Variants in PITPNC1 observed in about 807,000 individuals in gnomAD.
PITPNC1 encodes cytoplasmic phosphatidylinositol transfer protein 1.
Under a neutral mutation model 44.7 loss-of-function variants are expected in PITPNC1, and 18 were observed. The ratio of observed to expected loss-of-function variants is 0.40; its 90% CI spans 0.28 to 0.60. The LOEUF is 0.60. Among genes scored for constraint, PITPNC1 ranks in the 20% least tolerant of loss-of-function variants. PITPNC1 has a pLI of 0.39. For missense variants in PITPNC1, 290 were observed against 418.4 expected (o/e 0.69, Z 2.68); for synonymous variants, 141 against 149.6 (o/e 0.94, Z 0.42).
In PITPNC1 at chr17:67,508,386, C is replaced by A. The variant is rs1021962876; in HGVS notation, c.49-24416C>A. ...GTTATTCATGCCTACTCTTTTACAC[C>A]ATATAGGGTAACTTCCTGATGTTGC... On this transcript the variant is annotated intron_variant, in intron 1 of 8. Coordinates refer to ENST00000581322, the MANE Select transcript of PITPNC1 (RefSeq NM_012417.4). The surrounding 1 kb of genome is among the most constrained non-coding windows in gnomAD (Gnocchi z 4.2). 6.6e-6 allele frequency among the ~76,000 whole-genome samples: 1 copy of A among 152,156 alleles called. No individual in the cohort carries two copies. The highest frequency in any genetic ancestry group is 1.5e-5 in the Non-Finnish European group (1 of 68,020).
chr17:67,587,395 G>A (rs1203711813), intron 5 of PITPNC1, among the ~76,000 whole-genome samples: 1 of 152,118 alleles, frequency 6.6e-6, no homozygotes. Context: ...TCAGGAGGCT[G>A]AGGTGGGAGG....
intron 1 of PITPNC1, among the ~76,000 whole-genome samples, chr17:67,470,431 C>A (rs2039503714): frequency 6.6e-6 from 1 of 152,258 alleles, no homozygotes; most frequent in Admixed American, 6.5e-5. Context: ...TCCTAACAAG[C>A]ACTGATCTGC....
rs928887603 is a variant in PITPNC1 at position 67,692,953 on chromosome 17, C to T, written c.*65C>T. ...GTTGTTGTTGTTTTTTTTTAAGAAT[C>T]TTCTGATAGAGAAAAAGACTGCTTT... On this transcript the variant is annotated 3_prime_UTR_variant, in exon 9 of 9. Coordinates refer to ENST00000581322, the MANE Select transcript of PITPNC1 (RefSeq NM_012417.4). 3.8e-6 allele frequency: 4 copies of T among 1,039,900 alleles called. No homozygotes were observed. Among genetic ancestry groups the T allele is most frequent in the Non-Finnish European group, 5.7e-6 (4 of 697,446 alleles). The allele number at this position is 1,039,900 out of a possible 1,614,324, so 64.4% of individuals were successfully genotyped here. A position where few individuals can be genotyped will look rare whatever the true frequency, so the allele number is the denominator to read the frequency against.
chr17:67,668,365 TTATC>T (rs2042455996), intron 6 of PITPNC1, among the ~76,000 whole-genome samples: 1 of 152,214 alleles, frequency 6.6e-6, no homozygotes, highest in South Asian at 2.1e-4. Context: ...AGACCACAAT[TTATC>T]TGTCTAGTTT....
chr17:67,601,373 T>G (rs1173212905), intron 5 of PITPNC1, among the ~76,000 whole-genome samples: 1 of 152,150 alleles, frequency 6.6e-6, no homozygotes, highest in Admixed American at 6.6e-5. Flanking sequence ...AATGTGGGCC[T>G]ATCAAATGAT....
intron 7 of PITPNC1, among the ~76,000 whole-genome samples, chr17:67,670,399 T>C (rs909995517): frequency 3.9e-5 from 6 of 152,134 alleles, no homozygotes; most frequent in Non-Finnish European, 5.9e-5. Context: ...GAACAAGAAA[T>C]CCCAATAGTC....
At chr17:67,477,744 G>C (rs1046639954) in intron 1 of PITPNC1, among the ~76,000 whole-genome samples, 2 of 152,136 alleles carry the variant, frequency 1.3e-5, no homozygotes, top group African/African-American at 4.8e-5. Flanking sequence ...TCAAGGCCTA[G>C]TGTGAGTGGC....
At chr17:67,623,313 G>A (rs1034346268) in intron 5 of PITPNC1, among the ~76,000 whole-genome samples, 4 of 152,080 alleles carry the variant, frequency 2.6e-5, no homozygotes, top group African/African-American at 9.7e-5. Context: ...CAGCTACTAG[G>A]CTTGCACCTT....
rs1455162486 is a variant in PITPNC1, at chr17:67,597,999, G to A, written c.366+19742G>A. On this transcript the variant is annotated intron_variant, in intron 5 of 8. Coordinates refer to ENST00000581322, the MANE Select transcript of PITPNC1 (RefSeq NM_012417.4). The surrounding 1 kb of genome is among the most constrained non-coding windows in gnomAD (Gnocchi z 4.0). ...AGCACTTTGGGAGGCCGAGGCAGGC[G>A]GATCACGAGGTCAGGAGATCAAGAC... 8.5e-5 allele frequency among the ~76,000 whole-genome samples: 13 copies of A among 152,202 alleles called. No homozygotes were observed. Among genetic ancestry groups the A allele is most frequent in the Non-Finnish European group, 1.2e-4 (8 of 68,004 alleles).
At chr17:67,606,434 G>C (rs2041608856) in intron 5 of PITPNC1, among the ~76,000 whole-genome samples, 1 of 152,192 alleles carries the variant, frequency 6.6e-6, no homozygotes, top group Admixed American at 6.5e-5. Flanking sequence ...AGAGAGTGAA[G>C]TTTCGCACTG....
intron 4 of PITPNC1, among the ~76,000 whole-genome samples, chr17:67,571,531 C>G (rs2041057792): frequency 6.6e-6 from 1 of 152,158 alleles, no homozygotes; most frequent in Admixed American, 6.5e-5. Context: ...GTCCTTGGCT[C>G]AGGCAACTCA....
chr17:67,579,797 G>A (rs560260294), intron 5 of PITPNC1, among the ~76,000 whole-genome samples: 23 of 151,838 alleles, frequency 1.5e-4, no homozygotes, highest in African/African-American at 4.8e-4. Flanking sequence ...AAAATTAGCC[G>A]GGCGTGGTGG....
intron 1 of PITPNC1, among the ~76,000 whole-genome samples, chr17:67,413,252 T>G (rs1429491669): frequency 6.6e-6 from 1 of 152,114 alleles, no homozygotes; most frequent in Non-Finnish European, 1.5e-5. Context: ...TAGCAAACAC[T>G]CTCCATGATT....
chr17:67,472,750 T>C (rs1018902561), intron 1 of PITPNC1, among the ~76,000 whole-genome samples: 2 of 152,096 alleles, frequency 1.3e-5, no homozygotes, highest in African/African-American at 4.8e-5. Context: ...GGGCCACGGG[T>C]TGGACAAGCT....
intron 1 of PITPNC1, among the ~76,000 whole-genome samples, chr17:67,406,677 C>T (rs957308994): frequency 1.8e-4 from 27 of 151,794 alleles, no homozygotes; most frequent in African/African-American, 6.3e-4. Flanking sequence ...GCATCCGCCT[C>T]CCAGGTTCAA....
At chr17:67,480,549 C>A (rs139699307) in intron 1 of PITPNC1, among the ~76,000 whole-genome samples, 1 of 152,008 alleles carries the variant, frequency 6.6e-6, no homozygotes, top group Non-Finnish European at 1.5e-5. Flanking sequence ...TATTTTTGAT[C>A]TGGAAAAATG....
At position 67,695,806 on chromosome 17, in the gene PITPNC1, G is replaced by T. The variant is rs2043001512; in HGVS notation, c.*2918G>T. ...ATAACTCTGGGAAGATTTCAAATGT[G>T]AAGTGCCCCTGTGCATTTTCTTGGC... On this transcript the variant is annotated 3_prime_UTR_variant, in exon 9 of 9. Coordinates refer to ENST00000581322, the MANE Select transcript of PITPNC1 (RefSeq NM_012417.4). 1 of 152,112 alleles carries T rather than the reference G, an allele frequency of 6.6e-6. No homozygotes were observed. The highest frequency in any genetic ancestry group is 1.5e-5 in the Non-Finnish European group (1 of 68,036). 9.4% of individuals were successfully genotyped at this position (152,112 alleles called of 1,614,324 possible). A position where few individuals can be genotyped will look rare whatever the true frequency, so the allele number is the denominator to read the frequency against.
intron 1 of PITPNC1, among the ~76,000 whole-genome samples, chr17:67,434,266 A>G (rs1011180741): frequency 1.3e-5 from 2 of 152,178 alleles, no homozygotes; most frequent in Non-Finnish European, 2.9e-5. Flanking sequence ...GTGCCCACAC[A>G]AGATTACCAG....
intron 3 of PITPNC1, among the ~76,000 whole-genome samples, chr17:67,552,717 C>T (rs1408316724): frequency 6.7e-6 from 1 of 148,322 alleles, no homozygotes; most frequent in African/African-American, 2.5e-5. Context: ...CCCGTCTCTA[C>T]TAAAAATACA....
Sources: allele counts gnomAD v4.1 joint callset (sites outside exome capture counted in the v4.1 genomes callset), GRCh38; gene constraint gnomAD v4.1.1; non-coding constraint Gnocchi (gnomAD v3.1); transcripts MANE v1.5; gene names NCBI Gene and HGNC (gene_info 2026-07-23, HGNC 2026-07-21).